GPA33: variants seen among roughly 807,000 people sequenced by gnomAD.
GPA33 encodes cell surface A33 antigen.
Under a neutral mutation model 35.6 loss-of-function variants are expected in GPA33, and 27 were observed. The observed-to-expected ratio is 0.76, with a 90% CI of 0.56 to 1.04. The LOEUF (loss-of-function observed/expected upper bound fraction) is 1.04, where lower values mean the gene tolerates loss of function less well. Ranked by LOEUF, GPA33 falls within the 50% of genes least tolerant of loss-of-function variation. The pLI is 0.00. For synonymous variants in GPA33, 176 were observed against 164.0 expected, an observed-to-expected ratio of 1.07 and a Z score of -0.56; for missense variants, 428 against 411.9, an observed-to-expected ratio of 1.04 and a Z score of -0.34.
At chr1:167,055,647 C>T in intron 5 of GPA33, 83 bp downstream of exon 5, 1 of 1,489,682 alleles carries the variant, frequency 6.7e-7, no homozygotes. Flanking sequence ...TATTCCTCCT[C>T]ACGGTGGTCT....
At chr1:167,082,635 A>C (rs771583746) in intron 1 of GPA33, among the ~76,000 whole-genome samples, 3 of 152,196 alleles carry the variant, frequency 2.0e-5, no homozygotes, top group Non-Finnish European at 2.9e-5. Context: ...CACAGTTGGA[A>C]AGCCAGCTTT....
chr1:167,089,005 TA>T (rs1347020935), intron 1 of GPA33, among the ~76,000 whole-genome samples: 1 of 152,196 alleles, frequency 6.6e-6, no homozygotes, highest in Non-Finnish European at 1.5e-5. Context: ...ATGTGCTCAG[TA>T]AAGAGTTGTT....
intron 3 of GPA33, among the ~76,000 whole-genome samples, chr1:167,064,070 G>A (rs1480352698): frequency 2.6e-5 from 4 of 152,050 alleles, no homozygotes; most frequent in South Asian, 2.1e-4. Context: ...GATGGGGTTC[G>A]AGATGAGTTT....
chr1:167,078,500 A>G (rs564324245), intron 1 of GPA33: 1 of 152,338 alleles, frequency 6.6e-6, no homozygotes, highest in South Asian at 2.1e-4. Flanking sequence ...AGACTCTGCC[A>G]AATGGAATGG....
At chr1:167,080,760 T>C (rs1361270255) in intron 1 of GPA33, among the ~76,000 whole-genome samples, 2 of 152,246 alleles carry the variant, frequency 1.3e-5, no homozygotes, top group Non-Finnish European at 2.9e-5. Context: ...GGTTGTCATG[T>C]CTCTCTCCTC....
rs1571320254 is a variant in GPA33, at chr1:167,083,417, G to A, written c.43+6828C>T. Among the ~76,000 whole-genome samples, 5 of 152,282 alleles carry A rather than the reference G, an allele frequency of 3.3e-5. No individual in the cohort carries two copies. In the South Asian group the frequency reaches 1.0e-3, roughly 32 times the overall value. ...GTGAAGCCAGTCAGCCTGCTGCTAG[G>A]GGAGGTTCAGAAGGGTCGGCACCCA... On this transcript the variant is annotated intron_variant, in intron 1 of 6. Coordinates refer to ENST00000367868, the MANE Select transcript of GPA33 (RefSeq NM_005814.3).
intron 3 of GPA33, among the ~76,000 whole-genome samples, chr1:167,067,309 G>A (rs1429830936): frequency 9.8e-6 from 1 of 102,232 alleles, no homozygotes; most frequent in Non-Finnish European, 2.3e-5. Context: ...TATTTATTTT[G>A]TAGAGAGGAG....
chr1:167,058,560 A>G (rs1304043873), intron 4 of GPA33: 4 of 152,096 alleles, frequency 2.6e-5, no homozygotes, highest in Non-Finnish European at 5.9e-5. Flanking sequence ...ATTTGGTGCT[A>G]TTTTCTTTCA....
At chr1:167,086,134 G>A (rs1406967705) in intron 1 of GPA33, among the ~76,000 whole-genome samples, 1 of 152,342 alleles carries the variant, frequency 6.6e-6, no homozygotes, top group Admixed American at 6.5e-5. Context: ...TCCTGATTGC[G>A]TCTCTGACAG....
At chr1:167,056,848 A>ATGTGTGTGG (rs1666310517) in intron 4 of GPA33, among the ~76,000 whole-genome samples, 1 of 4,380 alleles carries the variant, frequency 2.3e-4, no homozygotes, top group Non-Finnish European at 5.1e-4. Context: ...TGAGTGTGTA[A>ATGTGTGTGG]TGTGTGTGGT....
In GPA33 at chr1:167,068,932, C is replaced by A. The variant is rs910951629; in HGVS notation, c.405G>T (p.Leu135=). ...LEGNTKSRVR[L]LVLVPPSKPE... The stretch of plus-strand genomic sequence containing the variant: ...CATGAAGACACTCACCGAGGACCAA[C>A]AGGCGGACACGTGACTTGGTGTTGC... Residue 135 remains leucine, a synonymous_variant, in exon 3 of 7, where the codon CTG becomes CTT. Transcript: ENST00000367868. The A allele has an allele frequency of 1.2e-6, 2 of 1,612,238 alleles. No homozygotes were observed. The highest frequency in any genetic ancestry group is 3.3e-5 in the Admixed American group (2 of 60,002).
chr1:167,085,447 G>A (rs1667029100), intron 1 of GPA33, among the ~76,000 whole-genome samples: 1 of 152,196 alleles, frequency 6.6e-6, no homozygotes, highest in African/African-American at 2.4e-5. Flanking sequence ...ACAATAGGCA[G>A]CATGGTTGTA....
chr1:167,061,763 C>T (rs1390610133), intron 4 of GPA33, among the ~76,000 whole-genome samples: 3 of 151,888 alleles, frequency 2.0e-5, no homozygotes, highest in African/African-American at 4.8e-5. Flanking sequence ...CCACCACGTC[C>T]GGCTAATTTT....
intron 1 of GPA33, among the ~76,000 whole-genome samples, chr1:167,078,235 G>T (rs1666862515): frequency 6.6e-6 from 1 of 152,140 alleles, no homozygotes. Flanking sequence ...CCAGCCCCCT[G>T]CTCTACTCAG....
chr1:167,058,206 AT>A (rs1354457587), intron 4 of GPA33: 8 of 152,340 alleles, frequency 5.3e-5, no homozygotes, highest in Admixed American at 2.6e-4. Context: ...CTCGAAAAAA[AT>A]ATGTATAAAA....
chr1:167,089,242 T>C (rs1667111326), intron 1 of GPA33, among the ~76,000 whole-genome samples: 2 of 152,136 alleles, frequency 1.3e-5, no homozygotes, highest in Non-Finnish European at 2.9e-5. Flanking sequence ...CAGAATGAGC[T>C]GTAGGCCCCG....
At chr1:167,056,674 ATGTGTCTG>A (rs1666278331) in intron 4 of GPA33, among the ~76,000 whole-genome samples, 4 of 1,174 alleles carry the variant, frequency 3.4e-3, no homozygotes, top group African/African-American at 7.5e-3. Flanking sequence ...TGAGTGTGTG[ATGTGTCTG>A]GTGTGTGGTG....
chr1:167,088,696 G>A (rs1215498074), intron 1 of GPA33, among the ~76,000 whole-genome samples: 6 of 152,176 alleles, frequency 3.9e-5, no homozygotes, highest in African/African-American at 1.4e-4. Flanking sequence ...TGAGCATCTT[G>A]TTTTAAGATC....
chr1:167,085,088 G>C (rs956093196), intron 1 of GPA33, among the ~76,000 whole-genome samples: 1 of 152,244 alleles, frequency 6.6e-6, no homozygotes, highest in Non-Finnish European at 1.5e-5. Context: ...AATAGCTCAG[G>C]AGAGATGTTG....
Sources: gnomAD v4.1 joint callset for allele counts (sites outside exome capture counted in the v4.1 genomes callset) on GRCh38, gnomAD v4.1.1 for gene constraint, MANE v1.5 for transcripts, NCBI Gene and HGNC (gene_info 2026-07-23, HGNC 2026-07-21) for gene names.